Variants in SMCHD1 observed in about 807,000 individuals in gnomAD.
SMCHD1 encodes the protein structural maintenance of chromosomes flexible hinge domain containing 1.
A neutral mutation model predicts 254.7 loss-of-function variants in SMCHD1; 78 were observed. The ratio of observed to expected loss-of-function variants is 0.31; its 90% CI spans 0.26 to 0.37. SMCHD1 has a LOEUF of 0.37. Ranked by LOEUF, SMCHD1 falls within the 10% of genes least tolerant of loss-of-function variation. The probability of loss-of-function intolerance (pLI) is 1.00; values close to 1 mark genes in which losing one functional copy is unlikely to be tolerated. For synonymous variants in SMCHD1, 766 were observed against 794.9 expected, an observed-to-expected ratio of 0.96 and a Z score of 0.61; for missense variants, 1,840 against 2,408.1, an observed-to-expected ratio of 0.76 and a Z score of 4.94.
intron 5 of SMCHD1, among the ~76,000 whole-genome samples, chr18:2,685,094 A>AGTT (rs2074013689): frequency 3.7e-5 from 3 of 81,880 alleles, no homozygotes; most frequent in Non-Finnish European, 6.4e-5. Context: ...TCTGTCCCTT[A>AGTT]TTTTTTTCTT....
intron 37 of SMCHD1, among the ~76,000 whole-genome samples, chr18:2,768,219 A>G (rs2075905431): frequency 6.6e-6 from 1 of 152,214 alleles, no homozygotes; most frequent in Non-Finnish European, 1.5e-5. Context: ...ATGAGCAGGC[A>G]ATTAATGGAA....
intron 45 of SMCHD1, among the ~76,000 whole-genome samples, chr18:2,793,490 T>C (rs944612942): frequency 4.0e-5 from 6 of 151,668 alleles, no homozygotes; most frequent in Non-Finnish European, 7.4e-5. Context: ...AGTGAAACCC[T>C]GTCTCTACTA....
intron 5 of SMCHD1, among the ~76,000 whole-genome samples, chr18:2,681,141 G>A (rs1354361884): frequency 6.6e-6 from 1 of 151,780 alleles, no homozygotes; most frequent in Non-Finnish European, 1.5e-5. Context: ...GTCCGGGCAT[G>A]GTGGCTCACG....
intron 1 of SMCHD1, 46 bp downstream of exon 1, chr18:2,656,307 G>C: frequency 7.1e-7 from 1 of 1,404,364 alleles, no homozygotes; most frequent in Non-Finnish European, 9.2e-7. Context: ...ACTTGGGGGC[G>C]GGAGGGTGAT....
intron 9 of SMCHD1, 124 bp from the exon 10 acceptor site, chr18:2,697,707 T>C: frequency 1.5e-6 from 1 of 661,452 alleles, no homozygotes; most frequent in East Asian, 2.7e-5. Context: ...ATGTATTTCA[T>C]TAAGCCAGAT....
In SMCHD1 at chr18:2,802,584, A is replaced by C; in HGVS notation, c.*32A>C. 6.5e-7 allele frequency: 1 copy of C among 1,539,132 alleles called. No homozygotes were observed. Among genetic ancestry groups the C allele is most frequent in the Non-Finnish European group, 8.8e-7 (1 of 1,140,218 alleles). The stretch of plus-strand genomic sequence containing the variant: ...ACAGAGAGAAGAGGCCATTGGTCTC[A>C]GTAAGAATGCCCTGCTTTCTGCATC... On this transcript the variant is annotated 3_prime_UTR_variant, in exon 48 of 48. Transcript: ENST00000320876.
At chr18:2,794,294 C>G (rs2076221621) in intron 45 of SMCHD1, among the ~76,000 whole-genome samples, 1 of 152,050 alleles carries the variant, frequency 6.6e-6, no homozygotes. Context: ...CCTTGGCCTC[C>G]CAAAGGTCGA....
chr18:2,704,233 A>G (rs1011734602), intron 13 of SMCHD1, among the ~76,000 whole-genome samples: 2 of 152,144 alleles, frequency 1.3e-5, no homozygotes, highest in Non-Finnish European at 2.9e-5. Flanking sequence ...AAATTCCATA[A>G]TTTATTATAG....
chr18:2,682,620 C>A (rs1242890842), intron 5 of SMCHD1, among the ~76,000 whole-genome samples: 1 of 152,178 alleles, frequency 6.6e-6, no homozygotes, highest in African/African-American at 2.4e-5. Context: ...CCGCGCCCGG[C>A]CCCCTGATAC....
At chr18:2,661,316 G>A (rs1490777744) in intron 1 of SMCHD1, among the ~76,000 whole-genome samples, 1 of 149,926 alleles carries the variant, frequency 6.7e-6, no homozygotes, top group Non-Finnish European at 1.5e-5. Flanking sequence ...TGCATGTTCT[G>A]CACATGTATC....
In SMCHD1 at chr18:2,694,512, T is replaced by C. The variant is rs756369440; in HGVS notation, c.874-15T>C. On this transcript the variant is annotated splice_polypyrimidine_tract_variant and intron_variant, in intron 7 of 47. Coordinates refer to ENST00000320876, the MANE Select transcript of SMCHD1 (RefSeq NM_015295.3). ...TAGATGATTTAATCTGTTGTATTTC[T>C]GTTCACTCTTGTAGCCCTCTGATTC... 3.9e-6 allele frequency: 6 copies of C among 1,532,000 alleles called. No individual in the cohort carries two copies. The African/African-American group carries it at 8.3e-5, about 21-fold the overall frequency. The allele number at this position is 1,532,000 out of a possible 1,614,324, so 94.9% of individuals were successfully genotyped here.
At chr18:2,777,056 A>ACCCCCCCCC (rs140799401) in intron 42 of SMCHD1, among the ~76,000 whole-genome samples, 33 of 90,614 alleles carry the variant, frequency 3.6e-4, no homozygotes, top group Admixed American at 5.8e-4. Context: ...GGCATGCACC[A>ACCCCCCCCC]CCACCTCCCC....
In SMCHD1 at chr18:2,694,753, A is replaced by G. The variant is rs542743315; in HGVS notation, c.1040+60A>G. 83 of 1,417,982 alleles carry G rather than the reference A, an allele frequency of 5.9e-5. No individual in the cohort carries two copies. The Middle Eastern group carries it at 8.4e-4, about 14-fold the overall frequency. The allele number at this position is 1,417,982 out of a possible 1,614,324, so 87.8% of individuals were successfully genotyped here. A position where few individuals can be genotyped will look rare whatever the true frequency, so the allele number is the denominator to read the frequency against. ...ACTTAACTTTTTTAAGGCAGAAAAC[A>G]TTACAGATATATTGAAGCCTCTTTG... On this transcript the variant is annotated intron_variant, in intron 8 of 47. Coordinates refer to ENST00000320876, the MANE Select transcript of SMCHD1 (RefSeq NM_015295.3).
chr18:2,688,264 T>G (rs1226622526), intron 5 of SMCHD1, 130 bp from the exon 6 acceptor site: 1 of 648,716 alleles, frequency 1.5e-6, no homozygotes. Flanking sequence ...TGACACTGAT[T>G]ATTTCACCTT....
intron 10 of SMCHD1, 93 bp from the exon 11 acceptor site, chr18:2,700,446 T>C: frequency 7.4e-7 from 1 of 1,355,950 alleles, no homozygotes; most frequent in Non-Finnish European, 1.0e-6. Context: ...CTTTAGGTTT[T>C]ATAGAATGCA....
intron 27 of SMCHD1, 43 bp downstream of exon 27, chr18:2,739,563 T>C: frequency 6.7e-7 from 1 of 1,492,178 alleles, no homozygotes; most frequent in Non-Finnish European, 9.3e-7. Context: ...AAAAAAATCT[T>C]CTGTGATGTT....
At chr18:2,657,056 G>A (rs765871473) in intron 1 of SMCHD1, among the ~76,000 whole-genome samples, 1 of 152,156 alleles carries the variant, frequency 6.6e-6, no homozygotes, top group Non-Finnish European at 1.5e-5. Context: ...TTTGAAGAAG[G>A]AATATTGTCA....
intron 47 of SMCHD1, chr18:2,801,178 A>T (rs2076355963): frequency 6.6e-6 from 1 of 152,236 alleles, no homozygotes; most frequent in African/African-American, 2.4e-5. Context: ...AATAAAATTC[A>T]TTGAATGCCC....
chr18:2,728,668 TA>T, intron 23 of SMCHD1, 72 bp downstream of exon 23: 1 of 1,482,868 alleles, frequency 6.7e-7, no homozygotes, highest in African/African-American at 1.4e-5. Context: ...AGCCACTTAA[TA>T]GTAAGTCTTA....
Sources: gnomAD v4.1 joint callset for allele counts (sites outside exome capture counted in the v4.1 genomes callset) on GRCh38, gnomAD v4.1.1 for gene constraint, MANE v1.5 for transcripts, NCBI Gene and HGNC (gene_info 2026-07-23, HGNC 2026-07-21) for gene names.